SLK: variants seen among roughly 807,000 people sequenced by gnomAD.
SLK encodes the protein STE20-like serine/threonine-protein kinase.
A neutral mutation model predicts 147.7 loss-of-function variants in SLK; 67 were observed. The ratio of observed to expected loss-of-function variants is 0.45; its 90% CI spans 0.37 to 0.56. The LOEUF (loss-of-function observed/expected upper bound fraction) is 0.56, where lower values mean the gene tolerates loss of function less well. Ranked by LOEUF, SLK falls within the 20% of genes least tolerant of loss-of-function variation. The probability of loss-of-function intolerance (pLI) is 0.00; values close to 1 mark genes in which losing one functional copy is unlikely to be tolerated. For synonymous variants in SLK, 441 were observed against 475.0 expected, an observed-to-expected ratio of 0.93 and a Z score of 0.93; for missense variants, 1,136 against 1,438.8, an observed-to-expected ratio of 0.79 and a Z score of 3.41.
chr10:103,985,960 A>C lies in SLK; in HGVS notation c.151-4715A>C, dbSNP rs189692029. Among the ~76,000 whole-genome samples the C allele has an allele frequency of 5.9e-5, 9 of 152,294 alleles. No homozygotes were observed. In the East Asian group the frequency reaches 1.7e-3, roughly 29 times the overall value. On this transcript the variant is annotated intron_variant, in intron 1 of 18. Coordinates refer to ENST00000369755, the MANE Select transcript of SLK (RefSeq NM_014720.4). ...TGTGGCCAAGCTCTACTGATGATTC[A>C]TGAAAATAAAAACAGTGATTTTAGG...
intron 1 of SLK, among the ~76,000 whole-genome samples, chr10:103,989,282 T>C (rs1804626296): frequency 1.3e-5 from 2 of 152,172 alleles, no homozygotes; most frequent in Admixed American, 1.3e-4. Context: ...CTCGACATCA[T>C]ATGTCATCAG....
chr10:103,991,511 TA>T (rs1234302972), intron 2 of SLK, among the ~76,000 whole-genome samples: 1 of 151,976 alleles, frequency 6.6e-6, no homozygotes, highest in Non-Finnish European at 1.5e-5. Flanking sequence ...GAGAGAAGAG[TA>T]AGTAGTATAA....
At chr10:104,023,088 A>G (rs191773115) in intron 18 of SLK, among the ~76,000 whole-genome samples, 6 of 152,234 alleles carry the variant, frequency 3.9e-5, no homozygotes, top group African/African-American at 1.4e-4. Context: ...AGTGGTCACA[A>G]GTGAGTTGCT....
intron 1 of SLK, among the ~76,000 whole-genome samples, chr10:103,981,175 A>C (rs1843936732): frequency 7.0e-6 from 1 of 143,316 alleles, no homozygotes; most frequent in South Asian, 2.2e-4. Context: ...GAATTGGGCT[A>C]GTTGTGGGTT....
chr10:104,022,055 G>A (rs1240007570), intron 18 of SLK, among the ~76,000 whole-genome samples: 1 of 152,222 alleles, frequency 6.6e-6, no homozygotes, highest in Non-Finnish European at 1.5e-5. Flanking sequence ...AGTGAGTCTT[G>A]AAGGGTGAGT....
chr10:103,998,299 G>A (rs1282991107), intron 4 of SLK, among the ~76,000 whole-genome samples: 1 of 152,178 alleles, frequency 6.6e-6, no homozygotes, highest in Non-Finnish European at 1.5e-5. Flanking sequence ...TTTATAGCAT[G>A]AGGTGAATTA....
At chr10:103,983,388 T>C (rs1843971352) in intron 1 of SLK, among the ~76,000 whole-genome samples, 1 of 152,216 alleles carries the variant, frequency 6.6e-6, no homozygotes, top group African/African-American at 2.4e-5. Context: ...ACGTTTACTC[T>C]ACTCTGTACC....
chr10:103,991,357 C>T (rs1844090795), intron 2 of SLK, among the ~76,000 whole-genome samples: 1 of 152,000 alleles, frequency 6.6e-6, no homozygotes, highest in South Asian at 2.1e-4. Context: ...TATTAAGGTA[C>T]AAGTAGATAT....
At chr10:103,990,084 G>A (rs1564654150) in intron 1 of SLK, among the ~76,000 whole-genome samples, 1 of 152,088 alleles carries the variant, frequency 6.6e-6, no homozygotes, top group East Asian at 1.9e-4. Flanking sequence ...TAAACAGAAA[G>A]GTCTATACAT....
At chr10:104,013,038 C>T (rs1009486316) in intron 13 of SLK, among the ~76,000 whole-genome samples, 197 of 152,230 alleles carry the variant, frequency 1.3e-3, no homozygotes, top group African/African-American at 4.4e-3. Flanking sequence ...CTGAGTAGAG[C>T]TGAAAGTAAT....
At chr10:104,000,396 G>C (rs942389834) in intron 7 of SLK, among the ~76,000 whole-genome samples, 1 of 152,096 alleles carries the variant, frequency 6.6e-6, no homozygotes, top group African/African-American at 2.4e-5. Flanking sequence ...TTATAGGTGG[G>C]CAAATAAAAT....
rs892366819 is a variant in SLK at position 104,019,898 on chromosome 10, T to C, written c.3297T>C (p.Asp1099=). ...GAATTAACTCAACAGCCACACCAGA[T>C]CAGGACCGTGATAAAATTAAACAGG... ...SLRINSTATP[D]QDRDKIKQFA... Residue 1099 remains aspartate (D), a synonymous_variant, in exon 16 of 19, where the codon GAT becomes GAC. Coordinates refer to ENST00000369755, the MANE Select transcript of SLK (RefSeq NM_014720.4). 3.1e-6 allele frequency: 5 copies of C among 1,613,436 alleles called. No homozygotes were observed. Among genetic ancestry groups the C allele is most frequent in the Non-Finnish European group, 4.2e-6 (5 of 1,179,716 alleles).
rs373118126 is a variant in SLK at position 104,019,753 on chromosome 10, G to A, written c.3152G>A (p.Arg1051His). The change falls in exon 16 of 19, where the codon CGT becomes CAT. Residue 1051 changes from arginine to histidine, a missense_variant. Arg to His is a conservative substitution (Grantham distance 29). Coordinates refer to ENST00000369755, the MANE Select transcript of SLK (RefSeq NM_014720.4). The part of the protein sequence containing the change: ...RHEKETEQMQ[R>H]YNQRLIEELK... ...TCATAGGAAACAGAGCAAATGCAGC[G>A]TTACAATCAAAGACTTATTGAGGAA... The A allele has an allele frequency of 1.9e-5, 30 of 1,613,756 alleles. No individual in the cohort carries two copies. Among genetic ancestry groups the A allele is most frequent in the South Asian group, 4.4e-5 (4 of 91,086 alleles).
chr10:103,990,802 A>G lies in SLK; in HGVS notation c.278A>G (p.Lys93Arg), dbSNP rs1163345868. The G allele has an allele frequency of 7.1e-6, 11 of 1,541,690 alleles. No individual in the cohort carries two copies. The African/African-American group carries it at 9.9e-5, about 14-fold the overall frequency. The change falls in exon 2 of 19, where the codon AAG becomes AGG. Residue 93 changes from lysine to arginine, a missense_variant. This residue lies in a region of SLK where 126 missense variants were observed against 141.3 expected (regional missense o/e 0.89). Transcript: ENST00000369755. ...LASCDHPNIVKLLDAFYYENN... is the reference protein window; with the variant it reads ...LASCDHPNIVRLLDAFYYENN... ...TCTTGTGATCACCCAAATATAGTCA[A>G]GCTTCTAGATGCCTTCTATTATGAG...
intron 13 of SLK, among the ~76,000 whole-genome samples, chr10:104,017,020 T>A (rs1487920090): frequency 6.6e-6 from 1 of 152,216 alleles, no homozygotes; most frequent in Non-Finnish European, 1.5e-5. Flanking sequence ...TTACATTTCT[T>A]TAATTTGGAT....
Position 104,002,315 on chromosome 10 carries a change from A to C in SLK, c.1137A>C (p.Lys379Asn). The C allele has an allele frequency of 6.2e-7, 1 of 1,613,752 alleles. No individual in the cohort carries two copies. Among genetic ancestry groups the C allele is most frequent in the Middle Eastern group, 1.6e-4 (1 of 6,062 alleles). The change falls in exon 9 of 19, where the codon AAA becomes AAC. Residue 379 changes from lysine to asparagine, a missense_variant. Lys to Asn is a moderately conservative substitution (Grantham distance 94). Transcript: ENST00000369755. ...ACTCTGAAGATAAACTCAACAGCAA[A>C]ATTCTTAATGAAAAACCCACCACTG... ...RSNSEDKLNSKILNEKPTTDE... is the reference protein window; with the variant it reads ...RSNSEDKLNSNILNEKPTTDE...
At chr10:103,983,074 C>G (rs1453847699) in intron 1 of SLK, among the ~76,000 whole-genome samples, 1 of 152,040 alleles carries the variant, frequency 6.6e-6, no homozygotes, top group Admixed American at 6.6e-5. Flanking sequence ...CATGGTTTTC[C>G]CTATGAACAA....
chr10:103,992,141 G>GTATTTTTTTTTTTTTTTTTTTT (rs1554842825), intron 2 of SLK, among the ~76,000 whole-genome samples: 1 of 91,792 alleles, frequency 1.1e-5, no homozygotes, highest in Non-Finnish European at 2.1e-5. Flanking sequence ...TATTTCTTCT[G>GTATTTTTTTTTTTTTTTTTTTT]TTTTTTTTTT....
Position 104,002,436 on chromosome 10 carries a change from A to G in SLK, c.1258A>G (p.Lys420Glu), listed in dbSNP as rs754616078. 2.5e-6 allele frequency: 4 copies of G among 1,613,940 alleles called. No individual in the cohort carries two copies. In the African/African-American group the frequency reaches 5.3e-5, roughly 22 times the overall value. Residue 420 changes from lysine (K) to glutamate (E), a missense_variant, in exon 9 of 19, where the codon AAG becomes GAG. Lys to Glu is a moderately conservative substitution (Grantham distance 56). Coordinates refer to ENST00000369755, the MANE Select transcript of SLK (RefSeq NM_014720.4). ...ACTCCATGACAGAACAGCAGTAATC[A>G]AGGAGAATGAAAGAGAGAAGAGGCC... The part of the protein sequence containing the change: ...TELHDRTAVI[K>E]ENEREKRPKL...
Sources: allele counts gnomAD v4.1 joint callset (sites outside exome capture counted in the v4.1 genomes callset), GRCh38; gene constraint gnomAD v4.1.1; regional missense constraint gnomAD v4.1.1; transcripts MANE v1.5; gene names NCBI Gene and HGNC (gene_info 2026-07-23, HGNC 2026-07-21).